MBD5: variants seen among roughly 807,000 people sequenced by gnomAD.
The protein encoded by MBD5 is methyl-CpG-binding domain protein 5.
Under a neutral mutation model 117.3 loss-of-function variants are expected in MBD5, and 13 were observed. The ratio of observed to expected loss-of-function variants is 0.11; its 90% confidence interval spans 0.07 to 0.18. MBD5 has a LOEUF of 0.18. Ranked by LOEUF, MBD5 falls within the 10% of genes least tolerant of loss-of-function variation. The pLI, the probability that MBD5 is intolerant of heterozygous loss-of-function variation, is 1.00. For missense variants in MBD5, 1,879 were observed against 2,093.8 expected (o/e 0.90, Z 2.00); for synonymous variants, 727 against 766.4 (o/e 0.95, Z 0.85).
At chr2:148,319,827 G>T (rs1410471376) in intron 3 of MBD5, among the ~76,000 whole-genome samples, 1 of 152,140 alleles carries the variant, frequency 6.6e-6, no homozygotes, top group Non-Finnish European at 1.5e-5. Context: ...TCCTTATCTT[G>T]TTTCACTTCT....
At chr2:148,345,171 G>A (rs917804552) in intron 4 of MBD5, among the ~76,000 whole-genome samples, 25 of 150,630 alleles carry the variant, frequency 1.7e-4, no homozygotes, top group African/African-American at 5.9e-4. Flanking sequence ...GAACTAATAG[G>A]ATATATATAT....
chr2:148,101,268 C>T (rs1266875151), intron 1 of MBD5, among the ~76,000 whole-genome samples: 2 of 151,920 alleles, frequency 1.3e-5, no homozygotes, highest in Non-Finnish European at 2.9e-5. Flanking sequence ...CTGGGCAACA[C>T]AGTGAGACCC....
At chr2:148,432,108 A>G (rs775474928) in intron 4 of MBD5, among the ~76,000 whole-genome samples, 12 of 151,934 alleles carry the variant, frequency 7.9e-5, no homozygotes, top group Non-Finnish European at 1.6e-4. Flanking sequence ...TTTGATTTGC[A>G]TTTCTCTGAT....
chr2:148,495,931 G>T (rs1398672667), intron 11 of MBD5, among the ~76,000 whole-genome samples: 1 of 152,228 alleles, frequency 6.6e-6, no homozygotes, highest in African/African-American at 2.4e-5. Flanking sequence ...CATTCTGGGG[G>T]TGTGTAACTT....
intron 1 of MBD5, among the ~76,000 whole-genome samples, chr2:148,169,880 A>G (rs562360616): frequency 3.4e-4 from 49 of 145,928 alleles, no homozygotes; most frequent in Non-Finnish European, 5.8e-4. Flanking sequence ...TGACCTGGTC[A>G]TACCCAATAA....
At chr2:148,242,468 G>C (rs181144245) in intron 3 of MBD5, among the ~76,000 whole-genome samples, 414 of 152,216 alleles carry the variant, frequency 2.7e-3, no homozygotes, top group Non-Finnish European at 4.0e-3. Flanking sequence ...GGGCATTACT[G>C]CATGGCCAGT....
intron 2 of MBD5, among the ~76,000 whole-genome samples, chr2:148,195,402 A>G (rs779864229): frequency 1.1e-4 from 16 of 152,178 alleles, no homozygotes; most frequent in Non-Finnish European, 1.9e-4. Flanking sequence ...AAAATATATG[A>G]AGCAAAAACT....
At chr2:148,423,816 C>G (rs1008829320) in intron 4 of MBD5, among the ~76,000 whole-genome samples, 8 of 152,024 alleles carry the variant, frequency 5.3e-5, no homozygotes, top group African/African-American at 1.9e-4. Context: ...AGCTCATGTT[C>G]AAGGACACAC....
chr2:148,450,567 T>A (rs1008363966), intron 4 of MBD5, among the ~76,000 whole-genome samples: 2 of 152,186 alleles, frequency 1.3e-5, no homozygotes, highest in Non-Finnish European at 2.9e-5. Flanking sequence ...TCTCTTTACA[T>A]GGTCTCTCAT....
At chr2:148,258,119 T>C (rs902201077) in intron 3 of MBD5, among the ~76,000 whole-genome samples, 1 of 152,084 alleles carries the variant, frequency 6.6e-6, no homozygotes, top group Admixed American at 6.5e-5. Flanking sequence ...AAGTAACCAG[T>C]CAGGGTTGTG....
At chr2:148,055,799 A>C (rs1694845913) in intron 1 of MBD5, 1 of 151,948 alleles carries the variant, frequency 6.6e-6, no homozygotes, top group South Asian at 2.1e-4. Context: ...TTGTATTTCC[A>C]TATGTGTATG....
chr2:148,307,848 G>A (rs1327485872), intron 3 of MBD5, among the ~76,000 whole-genome samples: 1 of 151,708 alleles, frequency 6.6e-6, no homozygotes, highest in Non-Finnish European at 1.5e-5. Context: ...GTGACCATAT[G>A]TTCTCATTGT....
chr2:148,310,638 C>T (rs1012184338), intron 3 of MBD5, among the ~76,000 whole-genome samples: 1 of 152,064 alleles, frequency 6.6e-6, no homozygotes, highest in African/African-American at 2.4e-5. Flanking sequence ...TTTCGTGTCT[C>T]TCTATCCTTC....
chr2:148,063,582 G>A (rs1011467822), intron 1 of MBD5, among the ~76,000 whole-genome samples: 1 of 151,708 alleles, frequency 6.6e-6, no homozygotes, highest in Non-Finnish European at 1.5e-5. Context: ...AAAACAGGCA[G>A]CAGGTCTTAG....
At chr2:148,235,788 A>T (rs1700078775) in intron 3 of MBD5, among the ~76,000 whole-genome samples, 1 of 145,842 alleles carries the variant, frequency 6.9e-6, no homozygotes, top group Non-Finnish European at 1.5e-5. Flanking sequence ...TAGTTTTCTA[A>T]AAAAGGGGGA....
chr2:148,157,883 A>T (rs1045013749), intron 1 of MBD5, among the ~76,000 whole-genome samples: 3 of 152,214 alleles, frequency 2.0e-5, no homozygotes, highest in Admixed American at 6.5e-5. Context: ...AAAACATTTA[A>T]AATGTTCATA....
chr2:148,487,196 G>A (rs918039749), intron 10 of MBD5, among the ~76,000 whole-genome samples: 4 of 152,172 alleles, frequency 2.6e-5, no homozygotes, highest in Non-Finnish European at 5.9e-5. Context: ...TTTAAATCTG[G>A]AAGCTGTAAA....
At chr2:148,100,367 C>T (rs773740423) in intron 1 of MBD5, among the ~76,000 whole-genome samples, 33 of 152,300 alleles carry the variant, frequency 2.2e-4, no homozygotes, top group South Asian at 2.1e-4. Flanking sequence ...TATTTATAGC[C>T]TTCAAATAAT....
intron 1 of MBD5, among the ~76,000 whole-genome samples, chr2:148,024,037 C>G (rs921985359): frequency 2.0e-5 from 3 of 152,020 alleles, no homozygotes; most frequent in African/African-American, 7.2e-5. Flanking sequence ...AGAGCAGGGA[C>G]CAGGGAACTC....
Sources: gnomAD v4.1 joint callset for allele counts (sites outside exome capture counted in the v4.1 genomes callset) on GRCh38, gnomAD v4.1.1 for gene constraint, MANE v1.5 for transcripts, NCBI Gene and HGNC (gene_info 2026-07-23, HGNC 2026-07-21) for gene names.